Variants in ZNF438 observed in about 807,000 individuals in gnomAD.
ZNF438 encodes the protein zinc finger protein 438.
A neutral mutation model predicts 38.0 loss-of-function variants in ZNF438; 25 were observed. The ratio of observed to expected loss-of-function variants is 0.66; its 90% CI spans 0.48 to 0.92. ZNF438 has a LOEUF of 0.92. Among genes scored for constraint, ZNF438 ranks in the 40% least tolerant of loss-of-function variants. The pLI is 0.00. For missense variants in ZNF438, 1,007 were observed against 999.6 expected (o/e 1.01, Z -0.10); for synonymous variants, 372 against 364.1 (o/e 1.02, Z -0.25).
chr10:31,027,797 T>C (rs954770545), intron 1 of ZNF438, among the ~76,000 whole-genome samples: 1 of 152,174 alleles, frequency 6.6e-6, no homozygotes, highest in Non-Finnish European at 1.5e-5. Flanking sequence ...GGCTTCTGTT[T>C]AGAGTAATCA....
intron 1 of ZNF438, among the ~76,000 whole-genome samples, chr10:30,946,715 A>C (rs1026585652): frequency 6.6e-6 from 1 of 152,190 alleles, no homozygotes; most frequent in Non-Finnish European, 1.5e-5. Flanking sequence ...ATTTAAACTT[A>C]ATGTAATTAT....
intron 1 of ZNF438, among the ~76,000 whole-genome samples, chr10:30,978,535 CT>C (rs1406362484): frequency 6.6e-6 from 1 of 152,052 alleles, no homozygotes; most frequent in East Asian, 1.9e-4. Context: ...AAATTTATAT[CT>C]CCATATAATC....
At position 30,958,495 on chromosome 10, in the gene ZNF438, T is replaced by C. The variant is rs1383272076; in HGVS notation, c.-191-16844A>G. On this transcript the variant is annotated intron_variant, in intron 1 of 5. Coordinates refer to ENST00000413025, the Ensembl canonical transcript of ZNF438. ...ATATAGGAGCTTTTATAAGATATAA[T>C]GTGTGTCCCATCCTTACTCCATTTG... 1.4e-5 allele frequency among the ~76,000 whole-genome samples: 2 copies of C among 147,062 alleles called. 1 individual carries two copies. Among genetic ancestry groups the C allele is most frequent in the Non-Finnish European group, 3.1e-5 (2 of 64,806 alleles).
At chr10:30,957,237 G>A (rs748355676) in intron 1 of ZNF438, among the ~76,000 whole-genome samples, 4 of 152,094 alleles carry the variant, frequency 2.6e-5, no homozygotes, top group African/African-American at 7.2e-5. Context: ...CATTCAGATT[G>A]TTTGCTTGCT....
chr10:31,011,042 T>C (rs776921568), intron 1 of ZNF438, among the ~76,000 whole-genome samples: 126 of 152,116 alleles, frequency 8.3e-4, no homozygotes, highest in African/African-American at 2.5e-3. Context: ...CTCAGGAAGA[T>C]GCACCATGCA....
exon 6 of ZNF438, chr10:30,845,010 G>A (rs773162962): frequency 1.5e-5 from 24 of 1,614,072 alleles, no homozygotes; most frequent in Admixed American, 3.3e-5. Flanking sequence ...GTTGGAGACC[G>A]TATTTAAAAT....
At chr10:30,919,610 T>C (rs983692486) in intron 2 of ZNF438, 1 of 152,038 alleles carries the variant, frequency 6.6e-6, no homozygotes, top group African/African-American at 2.4e-5. Flanking sequence ...ATTCAGACAA[T>C]TTTTTATTTT....
At chr10:30,929,622 T>C (rs949670650) in intron 2 of ZNF438, among the ~76,000 whole-genome samples, 6 of 152,228 alleles carry the variant, frequency 3.9e-5, no homozygotes, top group Non-Finnish European at 8.8e-5. Flanking sequence ...TGCTGCTGGC[T>C]GCGGTAGCCT....
At chr10:31,016,797 G>A (rs376788045) in intron 1 of ZNF438, among the ~76,000 whole-genome samples, 12 of 152,326 alleles carry the variant, frequency 7.9e-5, no homozygotes, top group Admixed American at 3.9e-4. Flanking sequence ...TACAAGGAGC[G>A]TAAGAAATAC....
intron 1 of ZNF438, among the ~76,000 whole-genome samples, chr10:30,978,721 T>C (rs1006490652): frequency 1.7e-4 from 26 of 152,228 alleles, no homozygotes; most frequent in African/African-American, 6.0e-4. Context: ...GAGCAGTAAA[T>C]GGAATCAGTT....
chr10:30,882,860 T>A (rs1340433056), intron 3 of ZNF438, among the ~76,000 whole-genome samples: 1 of 152,198 alleles, frequency 6.6e-6, no homozygotes, highest in Non-Finnish European at 1.5e-5. Flanking sequence ...TGTATGCCAA[T>A]CGTATCCTAA....
chr10:30,995,524 A>G (rs575960580), intron 1 of ZNF438, among the ~76,000 whole-genome samples: 1 of 152,368 alleles, frequency 6.6e-6, no homozygotes, highest in African/African-American at 2.4e-5. Context: ...TCAGGCTAAA[A>G]GCAAGTAACA....
chr10:30,889,864 G>A (rs150138464), intron 3 of ZNF438, among the ~76,000 whole-genome samples: 5 of 152,096 alleles, frequency 3.3e-5, no homozygotes, highest in African/African-American at 1.2e-4. Flanking sequence ...GTATGATCTT[G>A]GACAAATCAT....
chr10:30,872,152 T>C (rs1465235509), intron 4 of ZNF438, among the ~76,000 whole-genome samples: 1 of 151,942 alleles, frequency 6.6e-6, no homozygotes, highest in Non-Finnish European at 1.5e-5. Flanking sequence ...TCCCAGCACC[T>C]TGGGAGGCTG....
chr10:30,879,649 G>C (rs1027658214), intron 3 of ZNF438, among the ~76,000 whole-genome samples: 1 of 152,052 alleles, frequency 6.6e-6, no homozygotes, highest in Non-Finnish European at 1.5e-5. Context: ...AAAATTTCTA[G>C]AGATAAAAAC....
intron 3 of ZNF438, among the ~76,000 whole-genome samples, chr10:30,882,351 C>G (rs949949363): frequency 6.6e-6 from 1 of 152,174 alleles, no homozygotes; most frequent in Non-Finnish European, 1.5e-5. Context: ...TCCAGCTAAT[C>G]CCTTCCTACC....
At chr10:31,000,604 T>C (rs1372671482) in intron 1 of ZNF438, among the ~76,000 whole-genome samples, 1 of 152,162 alleles carries the variant, frequency 6.6e-6, no homozygotes, top group African/African-American at 2.4e-5. Flanking sequence ...GCTGACCTCA[T>C]TCCTGTAGCC....
rs759693021 is a variant in ZNF438 at position 30,885,143 on chromosome 10, TGGCCAGG to T, written c.-31-8085_-31-8079del. Among the ~76,000 whole-genome samples the T allele has an allele frequency of 7.0e-4, 107 of 152,360 alleles. No homozygotes were observed. The Middle Eastern group carries it at 0.014, about 19-fold the overall frequency. On this transcript the variant is annotated intron_variant, in intron 3 of 5. Coordinates refer to ENST00000413025, the Ensembl canonical transcript of ZNF438. Reference sequence around the variant, plus strand: ...GATAAATGCCATAATATAATAAATTTGGCCAGGATAACTTAAAACATGCAAATATAAA... The same window carrying T: ...GATAAATGCCATAATATAATAAATTTATAACTTAAAACATGCAAATATAAA...
chr10:30,922,444 A>C (rs1207234060), intron 2 of ZNF438, among the ~76,000 whole-genome samples: 2 of 152,248 alleles, frequency 1.3e-5, no homozygotes, highest in Non-Finnish European at 2.9e-5. Flanking sequence ...CAGCTTTGTC[A>C]ATTAGATTAA....
Sources: gnomAD v4.1 joint callset for allele counts (sites outside exome capture counted in the v4.1 genomes callset) on GRCh38, gnomAD v4.1.1 for gene constraint, MANE v1.5 for transcripts, NCBI Gene and HGNC (gene_info 2026-07-23, HGNC 2026-07-21) for gene names.